The following TMEM52B variants were observed in gnomAD, a reference collection of about 807,000 sequenced individuals.
The protein encoded by TMEM52B is transmembrane protein 52B.
TMEM52B carries 11 observed loss-of-function variants against 16.1 expected under a neutral mutation model. That is an observed-to-expected ratio of 0.68 (90% CI 0.43 to 1.13). The LOEUF (loss-of-function observed/expected upper bound fraction) is 1.13. TMEM52B is among the 50% of genes most tolerant of loss of function. TMEM52B has a pLI of 0.00. For missense variants in TMEM52B, 243 were observed against 230.4 expected (o/e 1.05, Z -0.35); for synonymous variants, 101 against 93.8 (o/e 1.08, Z -0.45).
chr12:10,189,846 G>A (rs764222171), intron 4 of TMEM52B, 50 bp from the exon 5 acceptor site: 29 of 1,601,938 alleles, frequency 1.8e-5, no homozygotes, highest in Non-Finnish European at 2.4e-5. Flanking sequence ...GCTGTCTGAG[G>A]GTGTCCTGTT....
In TMEM52B at chr12:10,186,429, G is replaced by A. The variant is rs1207426162; in HGVS notation, c.147G>A (p.Val49=). 2 of 1,608,964 alleles carry A rather than the reference G, an allele frequency of 1.2e-6. No individual in the cohort carries two copies. The highest frequency in any genetic ancestry group is 2.2e-5 in the East Asian group (1 of 44,852). ...CCGTGGGCTTTTGCAGGTTGCTAGT[G>A]GTAATTGGCGCGCTGCTTCTCCTGT... The part of the protein sequence containing the change: ...WVHLWYIWLL[V]VIGALLLLCG... Residue 49 remains valine, a synonymous_variant, in exon 4 of 5, where the codon GTG becomes GTA. Coordinates refer to ENST00000543484, the MANE Select transcript of TMEM52B (RefSeq NM_001384896.1).
chr12:10,189,048 A>AAAAAAAAAG (rs1948922336), intron 4 of TMEM52B, among the ~76,000 whole-genome samples: 1 of 115,248 alleles, frequency 8.7e-6, no homozygotes, highest in African/African-American at 3.4e-5. Context: ...AAAAAAAAAA[A>AAAAAAAAAG]AAATTAGCCA....
upstream of TMEM52B, among the ~76,000 whole-genome samples, chr12:10,177,756 G>A (rs1157133708): frequency 7.0e-6 from 1 of 143,832 alleles, no homozygotes; most frequent in Non-Finnish European, 1.5e-5. Flanking sequence ...GTGACAGAGA[G>A]ACTCTGTCTC....
In TMEM52B at chr12:10,189,915, C is replaced by A; in HGVS notation, c.327C>A (p.Gly109=). The A allele has an allele frequency of 6.2e-7, 1 of 1,613,946 alleles. No homozygotes were observed. Among genetic ancestry groups the A allele is most frequent in the Non-Finnish European group, 8.5e-7 (1 of 1,180,030 alleles). The change falls in exon 5 of 5, where the codon GGC becomes GGA. Residue 109 remains glycine (G), a synonymous_variant. Coordinates refer to ENST00000543484, the MANE Select transcript of TMEM52B (RefSeq NM_001384896.1). The part of the protein sequence containing the change: ...STITSLQSVF[G]PAARRILAVA... ...TCACAGCTCTGCAGTCGGTGTTTGGCCCTGCAGCTCGGAGGATCCTGGCTG... is the reference window on the plus strand; with the variant it reads ...TCACAGCTCTGCAGTCGGTGTTTGGACCTGCAGCTCGGAGGATCCTGGCTG...
chr12:10,188,544 A>AGGAAG (rs1591993197), intron 4 of TMEM52B, among the ~76,000 whole-genome samples: 1,060 of 59,448 alleles, frequency 0.018, 11 homozygotes, highest in African/African-American at 0.036. Context: ...AAGGAAAAGA[A>AGGAAG]GAAAAAGAAA....
chr12:10,174,387 G>A (rs1948751198), upstream of TMEM52B, among the ~76,000 whole-genome samples: 1 of 152,142 alleles, frequency 6.6e-6, no homozygotes, highest in African/African-American at 2.4e-5. Context: ...ACTGGGTCAT[G>A]GGGTTCCCAG....
chr12:10,174,698 G>A (rs1014758722), upstream of TMEM52B, among the ~76,000 whole-genome samples: 4 of 152,114 alleles, frequency 2.6e-5, no homozygotes, highest in African/African-American at 9.7e-5. Flanking sequence ...TGTACACAGC[G>A]TATTGATCCT....
At chr12:10,182,716 G>A in intron 2 of TMEM52B, 123 bp downstream of exon 2, 1 of 1,018,194 alleles carries the variant, frequency 9.8e-7, no homozygotes, top group Non-Finnish European at 1.3e-6. Flanking sequence ...TTAAGTAATA[G>A]ATCTCATAGA....
At chr12:10,184,056 A>C (rs1259287785) in intron 2 of TMEM52B, among the ~76,000 whole-genome samples, 1 of 152,182 alleles carries the variant, frequency 6.6e-6, no homozygotes, top group East Asian at 1.9e-4. Flanking sequence ...GAGGGGCTGA[A>C]GTTTAAGTTG....
At chr12:10,173,543 GC>G (rs2137532540) in intron 1 of TMEM52B, among the ~76,000 whole-genome samples, 2 of 119,792 alleles carry the variant, frequency 1.7e-5, no homozygotes, top group East Asian at 5.9e-4. Context: ...ACTTTGGGAA[GC>G]TGAGGGGGGG....
upstream of TMEM52B, among the ~76,000 whole-genome samples, chr12:10,174,991 C>T (rs193014083): frequency 4.1e-4 from 63 of 152,210 alleles, no homozygotes; most frequent in Non-Finnish European, 6.3e-4. Flanking sequence ...CATTGATGGA[C>T]GTTTGGGTTT....
chr12:10,174,347 G>A (rs1948750864), upstream of TMEM52B, among the ~76,000 whole-genome samples: 1 of 152,220 alleles, frequency 6.6e-6, no homozygotes, highest in Non-Finnish European at 1.5e-5. Flanking sequence ...ACAAGCGTGA[G>A]CCACCGTGCT....
chr12:10,181,856 G>T (rs1312555009), intron 1 of TMEM52B, among the ~76,000 whole-genome samples: 1 of 150,814 alleles, frequency 6.6e-6, no homozygotes, highest in Non-Finnish European at 1.5e-5. Context: ...GTGAAACCCT[G>T]TGTCTACTAA....
In TMEM52B at chr12:10,190,256, T is replaced by A; in HGVS notation, c.*116T>A. On this transcript the variant is annotated 3_prime_UTR_variant, in exon 5 of 5. Transcript: ENST00000543484. ...AAGATGGCATCTAACACCATCATTC[T>A]ATGGGAAAGATGGTTCTTACTCTTC... is the stretch of plus-strand genomic sequence containing the variant. 1.5e-6 allele frequency: 2 copies of A among 1,302,102 alleles called. No homozygotes were observed. The highest frequency in any genetic ancestry group is 2.8e-5 in the South Asian group (2 of 72,472). 80.7% of individuals were successfully genotyped at this position (1,302,102 alleles called of 1,614,324 possible). A position where few individuals can be genotyped will look rare whatever the true frequency, so the allele number is the denominator to read the frequency against.
upstream of TMEM52B, among the ~76,000 whole-genome samples, chr12:10,177,246 T>TA (rs1274587620): frequency 1.3e-5 from 2 of 152,092 alleles, no homozygotes; most frequent in African/African-American, 4.8e-5. Context: ...TTGCCTAATT[T>TA]AAAAAAATAA....
At chr12:10,174,968 C>T (rs1469627294), upstream of TMEM52B, among the ~76,000 whole-genome samples, 1 of 152,194 alleles carries the variant, frequency 6.6e-6, no homozygotes, top group Non-Finnish European at 1.5e-5. Flanking sequence ...CCACATTCTA[C>T]ATTTTATTTA....
intron 1 of TMEM52B, among the ~76,000 whole-genome samples, chr12:10,179,838 A>T (rs1289613252): frequency 6.6e-6 from 1 of 152,156 alleles, no homozygotes; most frequent in Non-Finnish European, 1.5e-5. Flanking sequence ...GAAAAGGGGG[A>T]CAGAAATTAG....
intron 3 of TMEM52B, among the ~76,000 whole-genome samples, chr12:10,186,060 G>C (rs1386260653): frequency 6.6e-6 from 1 of 151,572 alleles, no homozygotes; most frequent in Admixed American, 6.6e-5. Flanking sequence ...AAAATTAGTC[G>C]AGTGTGGTGG....
chr12:10,182,503 A>G, intron 1 of TMEM52B, 47 bp from the exon 2 acceptor site: 1 of 1,527,116 alleles, frequency 6.5e-7, no homozygotes, highest in South Asian at 1.2e-5. Context: ...AGCTGAACAC[A>G]GTGGCCAAAA....
Sources: gnomAD v4.1 joint callset for allele counts (sites outside exome capture counted in the v4.1 genomes callset) on GRCh38, gnomAD v4.1.1 for gene constraint, MANE v1.5 for transcripts, NCBI Gene and HGNC (gene_info 2026-07-23, HGNC 2026-07-21) for gene names.